Variants in COG5 observed in about 807,000 individuals in gnomAD.
COG5 encodes conserved oligomeric Golgi complex subunit 5.
A neutral mutation model predicts 110.4 loss-of-function variants in COG5; 86 were observed. That is an observed-to-expected ratio of 0.78 (90% CI 0.65 to 0.93). COG5 has a LOEUF of 0.93. COG5 is among the 40% of genes least tolerant of loss of function. The pLI is 0.00. For synonymous variants in COG5, 360 were observed against 334.6 expected, an observed-to-expected ratio of 1.08 and a Z score of -0.83; for missense variants, 1,077 against 987.0, an observed-to-expected ratio of 1.09 and a Z score of -1.22.
chr7:107,474,047 A>AAAT lies in COG5; in HGVS notation c.538+53189_538+53190insATT. The AAAT allele has an allele frequency of 6.9e-7, 1 of 1,443,624 alleles. No homozygotes were observed. Among genetic ancestry groups the AAAT allele is most frequent in the Non-Finnish European group, 9.4e-7 (1 of 1,059,870 alleles). The allele number at this position is 1,443,624 out of a possible 1,614,324, so 89.4% of individuals were successfully genotyped here. On this transcript the variant is annotated intron_variant, in intron 6 of 21. Coordinates refer to ENST00000297135, the MANE Select transcript of COG5 (RefSeq NM_006348.5). This position sits in a 1 kb window ranked among gnomAD's most constrained non-coding sequence, Gnocchi z 5.7. ...TTTCACTTTCTAGGGAAAAAAACCA[A>AAAT]CTGCTCCAAAAGAATGTGTTTTTCT...
chr7:107,296,677 C>T (rs1010408806), intron 12 of COG5, among the ~76,000 whole-genome samples: 1 of 150,386 alleles, frequency 6.6e-6, no homozygotes, highest in Non-Finnish European at 1.5e-5. Flanking sequence ...TCCCCAGTAG[C>T]TGGGATTACA....
intron 10 of COG5, among the ~76,000 whole-genome samples, chr7:107,360,891 C>A (rs1323898890): frequency 1.3e-5 from 2 of 152,178 alleles, no homozygotes; most frequent in Non-Finnish European, 2.9e-5. Flanking sequence ...GCGGAACGAG[C>A]CCAGCGGGCA....
At chr7:107,243,744 A>G (rs1479494833) in intron 17 of COG5, among the ~76,000 whole-genome samples, 1 of 152,122 alleles carries the variant, frequency 6.6e-6, no homozygotes, top group Non-Finnish European at 1.5e-5. Context: ...CGTCACATAC[A>G]CTAATATTGA....
intron 19 of COG5, among the ~76,000 whole-genome samples, chr7:107,223,258 A>G (rs1239661142): frequency 6.6e-6 from 1 of 152,194 alleles, no homozygotes; most frequent in Admixed American, 6.5e-5. Context: ...ACAGGACACA[A>G]TGAGGGCCTC....
At chr7:107,471,564 GA>G (rs1796635082) in intron 6 of COG5, 2 of 151,908 alleles carry the variant, frequency 1.3e-5, no homozygotes, top group Admixed American at 1.3e-4. Flanking sequence ...ATCCTAAGAA[GA>G]TGCTACATAA....
chr7:107,424,521 G>GA (rs949842607), intron 6 of COG5, among the ~76,000 whole-genome samples: 6 of 94,320 alleles, frequency 6.4e-5, no homozygotes, highest in Middle Eastern at 6.6e-3. Flanking sequence ...TTTTTTTTTT[G>GA]AAAAAAAGAA....
chr7:107,245,911 A>C (rs1457609251), intron 17 of COG5, among the ~76,000 whole-genome samples: 3 of 152,232 alleles, frequency 2.0e-5, no homozygotes, highest in African/African-American at 7.2e-5. Flanking sequence ...AGCCAAGGCA[A>C]TCCTAAGCTA....
intron 21 of COG5, among the ~76,000 whole-genome samples, chr7:107,205,559 G>A (rs1037946597): frequency 6.6e-6 from 1 of 152,220 alleles, no homozygotes; most frequent in African/African-American, 2.4e-5. Context: ...GCCTAACAAA[G>A]TAGGGGGTGC....
At chr7:107,363,707 A>C (rs1488013717) in intron 8 of COG5, among the ~76,000 whole-genome samples, 1 of 152,184 alleles carries the variant, frequency 6.6e-6, no homozygotes, top group East Asian at 1.9e-4. Flanking sequence ...ATGTAATCCC[A>C]GAACTTTGAG....
chr7:107,371,462 T>G (rs1332514701), intron 8 of COG5, among the ~76,000 whole-genome samples: 20 of 152,120 alleles, frequency 1.3e-4, no homozygotes, highest in Non-Finnish European at 1.5e-4. Context: ...TAAAAAAAAT[T>G]AAAAATTAAT....
At chr7:107,354,410 G>A (rs989078590) in intron 10 of COG5, among the ~76,000 whole-genome samples, 5 of 152,232 alleles carry the variant, frequency 3.3e-5, no homozygotes, top group Admixed American at 2.0e-4. Flanking sequence ...TGGGTGTGGT[G>A]GCTCATGCCT....
At chr7:107,321,542 A>G (rs1236573650) in intron 11 of COG5, among the ~76,000 whole-genome samples, 1 of 152,192 alleles carries the variant, frequency 6.6e-6, no homozygotes, top group East Asian at 1.9e-4. Flanking sequence ...GACTACTGTG[A>G]CGAAAACCCT....
At chr7:107,220,123 G>C (rs1365502399) in intron 19 of COG5, among the ~76,000 whole-genome samples, 5 of 152,148 alleles carry the variant, frequency 3.3e-5, no homozygotes, top group South Asian at 2.1e-4. Context: ...GCCTCTTTTA[G>C]AATATCAGCT....
chr7:107,431,057 A>G (rs1793995378), intron 6 of COG5, among the ~76,000 whole-genome samples: 2 of 152,212 alleles, frequency 1.3e-5, no homozygotes, highest in Middle Eastern at 3.2e-3. Flanking sequence ...ACTAACTTAC[A>G]GTGTTCCGAA....
chr7:107,265,053 C>G (rs1422367068), intron 14 of COG5, among the ~76,000 whole-genome samples: 1 of 152,054 alleles, frequency 6.6e-6, no homozygotes, highest in African/African-American at 2.4e-5. Flanking sequence ...CATAAAGTAT[C>G]TAAAAGGTTT....
At chr7:107,464,367 T>A (rs373662282) in intron 6 of COG5, among the ~76,000 whole-genome samples, 1 of 152,156 alleles carries the variant, frequency 6.6e-6, no homozygotes, top group Non-Finnish European at 1.5e-5. Context: ...TTTTTCCTCC[T>A]CCAGCCTAGA....
chr7:107,499,577 T>C (rs950315046), intron 6 of COG5, among the ~76,000 whole-genome samples: 1 of 152,030 alleles, frequency 6.6e-6, no homozygotes, highest in African/African-American at 2.4e-5. Flanking sequence ...AGCTAATTTT[T>C]TGTATTTTCA....
chr7:107,436,939 A>G (rs1400173330), intron 6 of COG5, among the ~76,000 whole-genome samples: 2 of 152,200 alleles, frequency 1.3e-5, no homozygotes, highest in African/African-American at 2.4e-5. Flanking sequence ...AAAGAAGTCA[A>G]TGTCCATTTA....
In COG5 at chr7:107,460,362, C is replaced by T. The variant is rs1032255909; in HGVS notation, c.539-47730G>A. ...AGGCTACAGTGACCAGTAATCGTAC[C>T]ACCCTGGGTGAGAGAGCAAAACTCT... On this transcript the variant is annotated intron_variant, in intron 6 of 21. Coordinates refer to ENST00000297135, the MANE Select transcript of COG5 (RefSeq NM_006348.5). Among the ~76,000 whole-genome samples the T allele has an allele frequency of 2.6e-5, 4 of 151,948 alleles. No individual in the cohort carries two copies. In the South Asian group the frequency reaches 6.2e-4, roughly 24 times the overall value.
Sources: allele counts gnomAD v4.1 joint callset (sites outside exome capture counted in the v4.1 genomes callset), GRCh38; gene constraint gnomAD v4.1.1; non-coding constraint Gnocchi (gnomAD v3.1); transcripts MANE v1.5; gene names NCBI Gene and HGNC (gene_info 2026-07-23, HGNC 2026-07-21).